Variants in RFTN1 observed in about 807,000 individuals in gnomAD.
The protein encoded by RFTN1 is raftlin, lipid raft linker 1.
In RFTN1, 26 loss-of-function variants were observed where a neutral mutation model predicts 46.5. The observed-to-expected ratio is 0.56, with a 90% CI of 0.41 to 0.78. RFTN1 has a LOEUF of 0.78. Among genes scored for constraint, RFTN1 ranks in the 30% least tolerant of loss-of-function variants. The pLI, the probability that RFTN1 is intolerant of heterozygous loss-of-function variation, is 0.00. For synonymous variants in RFTN1, 261 were observed against 284.2 expected, an observed-to-expected ratio of 0.92 and a Z score of 0.82; for missense variants, 693 against 718.7, an observed-to-expected ratio of 0.96 and a Z score of 0.41.
chr3:16,410,702 C>T lies in RFTN1; in HGVS notation c.333-1219G>A, dbSNP rs529497660. On this transcript the variant is annotated intron_variant, in intron 3 of 9. Transcript: ENST00000334133. The surrounding 1 kb of genome is among the most constrained non-coding windows in gnomAD (Gnocchi z 4.6). ...TGTAGTCTTGCTGTCAAAGGAGAGG[C>T]TTCCTAGCGCACCCTGCCATCTCTG... 6.6e-5 allele frequency among the ~76,000 whole-genome samples: 10 copies of T among 152,232 alleles called. No individual in the cohort carries two copies. The East Asian group carries it at 1.5e-3, about 24-fold the overall frequency.
At position 16,320,524 on chromosome 3, in the gene RFTN1, C is replaced by T. The variant is rs1441070444; in HGVS notation, c.1332+2852G>A. ...AAAAAGGTCTTTGCTCTTGTGGAGA[C>T]TATGTCTGACTCTGCCTGGGAAGGA... is the stretch of plus-strand genomic sequence containing the variant. On this transcript the variant is annotated intron_variant, in intron 9 of 9. Transcript: ENST00000334133. This position sits in a 1 kb window ranked among gnomAD's most constrained non-coding sequence, Gnocchi z 4.5. Among the ~76,000 whole-genome samples the T allele has an allele frequency of 6.6e-6, 1 of 152,204 alleles. No individual in the cohort carries two copies.
chr3:16,464,596 T>C (rs989349224), intron 2 of RFTN1, among the ~76,000 whole-genome samples: 6 of 152,100 alleles, frequency 3.9e-5, no homozygotes, highest in African/African-American at 1.4e-4. Context: ...AAGGCAGTAT[T>C]TTTTACTCTG....
At chr3:16,511,157 C>T (rs28429262) in intron 1 of RFTN1, among the ~76,000 whole-genome samples, 1,606 of 152,212 alleles carry the variant, frequency 0.011, 25 homozygotes, top group African/African-American at 0.036. Flanking sequence ...ATGAAGGCAC[C>T]TGCTGGGGTG....
In RFTN1 at chr3:16,402,140, T is replaced by C. The variant is rs142960423; in HGVS notation, c.441+7235A>G. Among the ~76,000 whole-genome samples the C allele has an allele frequency of 1.3e-5, 2 of 152,376 alleles. No homozygotes were observed. Among genetic ancestry groups the C allele is most frequent in the East Asian group, 1.9e-4 (1 of 5,194 alleles). On this transcript the variant is annotated intron_variant, in intron 4 of 9. Transcript: ENST00000334133. The surrounding 1 kb of genome is among the most constrained non-coding windows in gnomAD (Gnocchi z 4.5). ...CCCCAGGGCTCCTCATGCTGTGTTC[T>C]TGGTCCTTACAGATGACCCCATCTC...
At chr3:16,405,663 C>T (rs1299582180) in intron 4 of RFTN1, among the ~76,000 whole-genome samples, 5 of 152,238 alleles carry the variant, frequency 3.3e-5, no homozygotes, top group Non-Finnish European at 5.9e-5. Context: ...TCCTTCTATC[C>T]GTGTCCTCTA....
In RFTN1 at chr3:16,421,559, C is replaced by G. The variant is rs570454876; in HGVS notation, c.333-12076G>C. ...TAGAGACAGGGTTTCACCATGTTGG[C>G]CAGGATGGTCTCGATCCCTTGACTT... On this transcript the variant is annotated intron_variant, in intron 3 of 9. Transcript: ENST00000334133. This position sits in a 1 kb window ranked among gnomAD's most constrained non-coding sequence, Gnocchi z 4.6. Among the ~76,000 whole-genome samples the G allele has an allele frequency of 2.0e-5, 3 of 151,982 alleles. No individual in the cohort carries two copies. Among genetic ancestry groups the G allele is most frequent in the Non-Finnish European group, 4.4e-5 (3 of 67,996 alleles).
intron 4 of RFTN1, among the ~76,000 whole-genome samples, chr3:16,394,306 T>G (rs1267179938): frequency 6.6e-6 from 1 of 151,904 alleles, no homozygotes; most frequent in East Asian, 1.9e-4. Context: ...GAGCTCAGGG[T>G]TTGAAGCTGT....
rs879496773 is a variant in RFTN1 at position 16,422,628 on chromosome 3, TAA to T, written c.332+11221_332+11222del. Among the ~76,000 whole-genome samples the T allele has an allele frequency of 7.1e-6, 1 of 140,344 alleles. No homozygotes were observed. The highest frequency in any genetic ancestry group is 1.6e-5 in the Non-Finnish European group (1 of 64,158). 92.1% of individuals were successfully genotyped at this position (140,344 alleles called of 152,430 possible). On this transcript the variant is annotated intron_variant, in intron 3 of 9. Coordinates refer to ENST00000334133, the MANE Select transcript of RFTN1 (RefSeq NM_015150.2). The surrounding 1 kb of genome is among the most constrained non-coding windows in gnomAD (Gnocchi z 4.6). ...CCTGGTGACAAAGCGAGACTCCGTC[TAA>T]AAAAAAAAAAGAATAGTGCCCTACT...
chr3:16,503,455 A>G (rs995584589), intron 1 of RFTN1, among the ~76,000 whole-genome samples: 5 of 152,162 alleles, frequency 3.3e-5, no homozygotes, highest in Non-Finnish European at 5.9e-5. Context: ...TCAGGCATTT[A>G]GGGGTGGGGC....
rs966320568 is a variant in RFTN1 at position 16,352,495 on chromosome 3, T to A, written c.1146+5437A>T. 6.6e-6 allele frequency among the ~76,000 whole-genome samples: 1 copy of A among 152,242 alleles called. No homozygotes were observed. The highest frequency in any genetic ancestry group is 1.5e-5 in the Non-Finnish European group (1 of 68,044). ...AACAAAATACCTGTTATAAATGCCC[T>A]ATGGATAGACATTTATCTTACAAAT... On this transcript the variant is annotated intron_variant, in intron 7 of 9. Transcript: ENST00000334133. The surrounding 1 kb of genome is among the most constrained non-coding windows in gnomAD (Gnocchi z 4.6).
At chr3:16,347,235 A>C (rs1484887831) in intron 7 of RFTN1, among the ~76,000 whole-genome samples, 1 of 152,206 alleles carries the variant, frequency 6.6e-6, no homozygotes, top group Non-Finnish European at 1.5e-5. Context: ...ACATGCAAAC[A>C]TACTGTCAAG....
chr3:16,326,889 G>A lies in RFTN1; in HGVS notation c.1147-13C>T, dbSNP rs755015047. ...GCACTTCGACACCCTGGGGGAACAA[G>A]GCCAGCATTAGGGCTGCTGCTGCCA... On this transcript the variant is annotated splice_polypyrimidine_tract_variant and intron_variant, in intron 7 of 9. Coordinates refer to ENST00000334133, the MANE Select transcript of RFTN1 (RefSeq NM_015150.2). 6.2e-7 allele frequency: 1 copy of A among 1,607,454 alleles called. No individual in the cohort carries two copies. Among genetic ancestry groups the A allele is most frequent in the Non-Finnish European group, 8.5e-7 (1 of 1,175,616 alleles).
chr3:16,435,651 C>A (rs1164430308), intron 2 of RFTN1, among the ~76,000 whole-genome samples: 1 of 152,138 alleles, frequency 6.6e-6, no homozygotes. Context: ...CTTTCTCATT[C>A]TTTTCTACAG....
rs995595554 is a variant in RFTN1 at position 16,424,217 on chromosome 3, T to C, written c.332+9634A>G. On this transcript the variant is annotated intron_variant, in intron 3 of 9. Transcript: ENST00000334133. This position sits in a 1 kb window ranked among gnomAD's most constrained non-coding sequence, Gnocchi z 4.7. Reference sequence around the variant, plus strand: ...TGAAAGATGATGTATTTCTGTGCCATGAGTCTCAAGATGGAACTTGAGTTC... The same window carrying C: ...TGAAAGATGATGTATTTCTGTGCCACGAGTCTCAAGATGGAACTTGAGTTC... 6.6e-6 allele frequency among the ~76,000 whole-genome samples: 1 copy of C among 152,204 alleles called. No individual in the cohort carries two copies. Among genetic ancestry groups the C allele is most frequent in the African/African-American group, 2.4e-5 (1 of 41,446 alleles).
chr3:16,394,433 C>T (rs1383015881), intron 4 of RFTN1, among the ~76,000 whole-genome samples: 1 of 152,154 alleles, frequency 6.6e-6, no homozygotes, highest in Non-Finnish European at 1.5e-5. Context: ...CAAATGAACA[C>T]CAATGAACCA....
In RFTN1 at chr3:16,506,176, C is replaced by T. The variant is rs145251307; in HGVS notation, c.-9+7266G>A. 3.8e-4 allele frequency among the ~76,000 whole-genome samples: 58 copies of T among 152,168 alleles called. No individual in the cohort carries two copies. The highest frequency in any genetic ancestry group is 1.3e-3 in the African/African-American group (54 of 41,512). ...GGGAAAGGCCACACCCAGAAGGTGA[C>T]GTTTAAGCAAAATCATGAGGAAGGC... On this transcript the variant is annotated intron_variant, in intron 1 of 9. Transcript: ENST00000334133. The surrounding 1 kb of genome is among the most constrained non-coding windows in gnomAD (Gnocchi z 4.8).
chr3:16,356,430 G>C lies in RFTN1; in HGVS notation c.1146+1502C>G, dbSNP rs957019982. 6.6e-6 allele frequency among the ~76,000 whole-genome samples: 1 copy of C among 152,128 alleles called. No individual in the cohort carries two copies. The highest frequency in any genetic ancestry group is 2.4e-5 in the African/African-American group (1 of 41,430). Reference sequence around the variant, plus strand: ...TGCTTCTGACGACTCCAGTTCCTTTGGGTACTCCATTGCTATCACACTTGC... The same window carrying C: ...TGCTTCTGACGACTCCAGTTCCTTTCGGTACTCCATTGCTATCACACTTGC... On this transcript the variant is annotated intron_variant, in intron 7 of 9. Coordinates refer to ENST00000334133, the MANE Select transcript of RFTN1 (RefSeq NM_015150.2). The surrounding 1 kb of genome is among the most constrained non-coding windows in gnomAD (Gnocchi z 4.9).
intron 3 of RFTN1, among the ~76,000 whole-genome samples, chr3:16,412,435 ACT>A (rs2074996707): frequency 6.6e-6 from 1 of 151,942 alleles, no homozygotes; most frequent in Admixed American, 6.6e-5. Flanking sequence ...TCACACAGAA[ACT>A]CTCTCCTTGC....
chr3:16,364,506 C>T (rs1224446377), intron 6 of RFTN1, among the ~76,000 whole-genome samples: 2 of 152,060 alleles, frequency 1.3e-5, no homozygotes, highest in Admixed American at 6.6e-5. Flanking sequence ...TAGGTTTCTA[C>T]CCTTGCAGAG....
Sources: gnomAD v4.1 joint callset for allele counts (sites outside exome capture counted in the v4.1 genomes callset) on GRCh38, gnomAD v4.1.1 for gene constraint, Gnocchi (gnomAD v3.1) non-coding constraint, MANE v1.5 for transcripts, NCBI Gene and HGNC (gene_info 2026-07-23, HGNC 2026-07-21) for gene names.